DENND1A: variants seen among roughly 807,000 people sequenced by gnomAD.
DENND1A encodes DENN domain-containing protein 1A.
DENND1A carries 51 observed loss-of-function variants against 113.7 expected under a neutral mutation model. The ratio of observed to expected loss-of-function variants is 0.45; its 90% CI spans 0.36 to 0.57. The LOEUF is 0.57. Ranked by LOEUF, DENND1A falls within the 20% of genes least tolerant of loss-of-function variation. DENND1A has a pLI of 0.00. For missense variants in DENND1A, 1,258 were observed against 1,395.9 expected, an observed-to-expected ratio of 0.90 and a Z score of 1.57; for synonymous variants, 565 against 570.8, an observed-to-expected ratio of 0.99 and a Z score of 0.14.
intron 23 of DENND1A, 103 bp from the exon 24 acceptor site, chr9:123,382,728 G>T: frequency 8.0e-7 from 1 of 1,247,704 alleles, no homozygotes; most frequent in Non-Finnish European, 1.1e-6. Flanking sequence ...GCTGGGCCTA[G>T]TTGTGTGGCT....
intron 1 of DENND1A, chr9:123,928,950 C>G: frequency 1.0e-6 from 1 of 960,026 alleles, no homozygotes; most frequent in Middle Eastern, 5.4e-4. Flanking sequence ...CTATTAGTCA[C>G]AGAGGAAAAA....
intron 9 of DENND1A, among the ~76,000 whole-genome samples, chr9:123,636,031 C>A (rs1255859469): frequency 1.3e-5 from 2 of 152,216 alleles, no homozygotes; most frequent in African/African-American, 2.4e-5. Context: ...TCCTCCTCTA[C>A]CCCAGTTTAC....
intron 10 of DENND1A, among the ~76,000 whole-genome samples, chr9:123,621,729 G>C (rs1043463315): frequency 2.0e-5 from 3 of 152,122 alleles, no homozygotes; most frequent in Non-Finnish European, 4.4e-5. Flanking sequence ...TTTGAGTTCT[G>C]TCCCTGCCAT....
At chr9:123,383,947 C>A (rs1042337594) in intron 22 of DENND1A, 34 bp from the exon 23 acceptor site, 2 of 1,586,922 alleles carry the variant, frequency 1.3e-6, no homozygotes, top group Non-Finnish European at 8.6e-7. Context: ...ACTCTCCCAC[C>A]CAGGCCTTCA....
chr9:123,900,453 T>G (rs1003326347), intron 1 of DENND1A, among the ~76,000 whole-genome samples: 1 of 152,166 alleles, frequency 6.6e-6, no homozygotes. Context: ...GATAACAAAG[T>G]GCCTTCAAGT....
At position 123,896,676 on chromosome 9, in the gene DENND1A, A is replaced by C. The variant is rs527643143; in HGVS notation, c.18-17655T>G. ...AATGAGTAAACAGTAAGAAACTATGACATGACCAAGGAAAACTGAAAAAGA... is the reference window on the plus strand; with the variant it reads ...AATGAGTAAACAGTAAGAAACTATGCCATGACCAAGGAAAACTGAAAAAGA... On this transcript the variant is annotated intron_variant, in intron 1 of 23. Transcript: ENST00000394215. Among the ~76,000 whole-genome samples, 26 of 152,332 alleles carry C rather than the reference A, an allele frequency of 1.7e-4. No homozygotes were observed. The South Asian group carries it at 3.1e-3, about 18-fold the overall frequency.
chr9:123,889,208 T>C (rs1159746144), intron 1 of DENND1A, among the ~76,000 whole-genome samples: 2 of 152,128 alleles, frequency 1.3e-5, no homozygotes, highest in Non-Finnish European at 2.9e-5. Flanking sequence ...CCCAGGTAGA[T>C]CCCTTACTTG....
intron 2 of DENND1A, among the ~76,000 whole-genome samples, chr9:123,827,046 G>A (rs1290916209): frequency 6.6e-6 from 1 of 152,080 alleles, no homozygotes; most frequent in Non-Finnish European, 1.5e-5. Flanking sequence ...ATCAAAGCTT[G>A]TAATGTATGA....
At chr9:123,518,237 C>G (rs2054101016) in intron 13 of DENND1A, among the ~76,000 whole-genome samples, 1 of 152,098 alleles carries the variant, frequency 6.6e-6, no homozygotes, top group South Asian at 2.1e-4. Context: ...TAAATGTTTC[C>G]TCGACATCAT....
intron 13 of DENND1A, among the ~76,000 whole-genome samples, chr9:123,523,602 A>G (rs891973777): frequency 1.3e-5 from 2 of 152,212 alleles, no homozygotes; most frequent in Non-Finnish European, 2.9e-5. Context: ...TCATACTGTA[A>G]AGTTAACCTA....
chr9:123,392,814 C>G (rs1305830139), intron 21 of DENND1A, among the ~76,000 whole-genome samples: 1 of 152,176 alleles, frequency 6.6e-6, no homozygotes, highest in Non-Finnish European at 1.5e-5. Context: ...TCACCCCCTT[C>G]CTACCCTTTC....
intron 3 of DENND1A, among the ~76,000 whole-genome samples, chr9:123,770,267 T>C (rs1829515450): frequency 6.6e-6 from 1 of 152,188 alleles, no homozygotes; most frequent in African/African-American, 2.4e-5. Flanking sequence ...CCAGTTTAAA[T>C]GTCTTTCTAA....
chr9:123,759,303 G>C (rs1055534931), intron 4 of DENND1A: 7 of 152,378 alleles, frequency 4.6e-5, no homozygotes, highest in Non-Finnish European at 1.0e-4. Context: ...TTCACATTGT[G>C]GTGAAGAGTC....
At chr9:123,886,538 C>T (rs1003292542) in intron 1 of DENND1A, among the ~76,000 whole-genome samples, 1 of 152,216 alleles carries the variant, frequency 6.6e-6, no homozygotes, top group African/African-American at 2.4e-5. Flanking sequence ...CAATTGAACT[C>T]TCTTAAACTT....
intron 2 of DENND1A, among the ~76,000 whole-genome samples, chr9:123,803,549 C>T (rs1003227333): frequency 1.3e-5 from 2 of 152,168 alleles, no homozygotes; most frequent in African/African-American, 4.8e-5. Context: ...CTCTGCCCCA[C>T]AGACTCTGCC....
At chr9:123,415,850 G>A (rs752653881) in intron 19 of DENND1A, among the ~76,000 whole-genome samples, 1 of 152,168 alleles carries the variant, frequency 6.6e-6, no homozygotes, top group African/African-American at 2.4e-5. Context: ...TGGGGCCATC[G>A]GCCATGGTGG....
chr9:123,706,681 G>A (rs2066225462), intron 5 of DENND1A, among the ~76,000 whole-genome samples: 1 of 146,222 alleles, frequency 6.8e-6, no homozygotes, highest in Admixed American at 7.1e-5. Context: ...TGAGGCAGGA[G>A]AATGGCGTGA....
At chr9:123,830,259 G>A (rs1839972558) in intron 2 of DENND1A, among the ~76,000 whole-genome samples, 1 of 152,058 alleles carries the variant, frequency 6.6e-6, no homozygotes, top group Non-Finnish European at 1.5e-5. Flanking sequence ...GTAAGGAAAT[G>A]CTATAGAATA....
In DENND1A at chr9:123,864,873, T is replaced by C. The variant is rs113376322; in HGVS notation, c.88+14078A>G. Among the ~76,000 whole-genome samples the C allele has an allele frequency of 1.8e-3, 274 of 152,214 alleles. 2 individuals carry two copies. In the East Asian group the frequency reaches 0.023, roughly 13 times the overall value. ...TCAACTCATTTATTGGTCCAACAAA[T>C]ACACACTGAGTGCCTACTACATTCC... On this transcript the variant is annotated intron_variant, in intron 2 of 23. Transcript: ENST00000394215.
Sources: allele counts gnomAD v4.1 joint callset (sites outside exome capture counted in the v4.1 genomes callset), GRCh38; gene constraint gnomAD v4.1.1; transcripts MANE v1.5; gene names NCBI Gene and HGNC (gene_info 2026-07-23, HGNC 2026-07-21).